The following ASB3 variants were observed in gnomAD, a reference collection of about 807,000 sequenced individuals.
ASB3 encodes ankyrin repeat and SOCS box protein 3.
A neutral mutation model predicts 54.5 loss-of-function variants in ASB3; 41 were observed. The ratio of observed to expected loss-of-function variants is 0.75; its 90% CI spans 0.59 to 0.98. The LOEUF (loss-of-function observed/expected upper bound fraction) is 0.98. Among genes scored for constraint, ASB3 ranks in the 50% least tolerant of loss-of-function variants. The pLI is 0.00. For synonymous variants in ASB3, 266 were observed against 221.2 expected, an observed-to-expected ratio of 1.20 and a Z score of -1.80; for missense variants, 733 against 620.0, an observed-to-expected ratio of 1.18 and a Z score of -1.94.
At chr2:53,767,697 T>A (rs944419013) in intron 1 of ASB3, 8 of 654,004 alleles carry the variant, frequency 1.2e-5, no homozygotes, top group South Asian at 2.0e-5. Flanking sequence ...ATCAAGGAAA[T>A]AAAATAAAGC....
chr2:53,753,247 T>C (rs1001070874), intron 2 of ASB3, among the ~76,000 whole-genome samples: 1 of 152,174 alleles, frequency 6.6e-6, no homozygotes, highest in Admixed American at 6.5e-5. Context: ...GAACTGCACA[T>C]AAACACTATA....
At chr2:53,765,292 CTGTTAA>C in intron 2 of ASB3, 79 bp downstream of exon 2, 2 of 1,536,366 alleles carry the variant, frequency 1.3e-6, no homozygotes, top group Non-Finnish European at 1.8e-6. Flanking sequence ...ACAAATACTA[CTGTTAA>C]TAAGTTATGT....
intron 1 of ASB3, chr2:53,767,738 G>C (rs1189586317): frequency 1.0e-5 from 9 of 877,804 alleles, no homozygotes; most frequent in Admixed American, 2.9e-5. Flanking sequence ...AATCTTTCTG[G>C]ATCTAAACTC....
intron 1 of ASB3, among the ~76,000 whole-genome samples, chr2:53,766,895 T>C (rs535869367): frequency 6.6e-6 from 1 of 152,290 alleles, no homozygotes; most frequent in East Asian, 1.9e-4. Context: ...GATCATGGTA[T>C]AAAAATCTTC....
intron 9 of ASB3, among the ~76,000 whole-genome samples, chr2:53,686,841 C>G (rs1177406760): frequency 6.6e-6 from 1 of 152,162 alleles, no homozygotes; most frequent in Non-Finnish European, 1.5e-5. Context: ...CCTGCCTCAG[C>G]CTCCCGAGTA....
chr2:53,713,597 T>G (rs1337376111), intron 7 of ASB3, among the ~76,000 whole-genome samples: 2 of 152,206 alleles, frequency 1.3e-5, no homozygotes, highest in Non-Finnish European at 2.9e-5. Context: ...TTTAAAAACT[T>G]AATTATTTAG....
At chr2:53,675,661 C>T (rs1408256510) in intron 9 of ASB3, among the ~76,000 whole-genome samples, 4 of 152,018 alleles carry the variant, frequency 2.6e-5, no homozygotes, top group Non-Finnish European at 2.9e-5. Flanking sequence ...TCTATTTTTT[C>T]CTGATATCAA....
intron 1 of ASB3, chr2:53,767,566 A>T: frequency 8.4e-6 from 2 of 238,720 alleles, no homozygotes. Context: ...AGCTCCAAAA[A>T]GCATTGTGGG....
chr2:53,706,534 C>T (rs945434238), intron 7 of ASB3, among the ~76,000 whole-genome samples: 2 of 152,076 alleles, frequency 1.3e-5, no homozygotes, highest in East Asian at 3.9e-4. Context: ...CAAGCTCTGC[C>T]TCCCCGGTTC....
chr2:53,690,251 A>AAATT (rs1199194405), intron 9 of ASB3, among the ~76,000 whole-genome samples: 10 of 151,446 alleles, frequency 6.6e-5, no homozygotes, highest in Non-Finnish European at 1.5e-4. Context: ...ATAAATAAAT[A>AAATT]AATTAATTAA....
At chr2:53,748,087 A>G (rs1298029168) in intron 3 of ASB3, among the ~76,000 whole-genome samples, 1 of 152,020 alleles carries the variant, frequency 6.6e-6, no homozygotes, top group African/African-American at 2.4e-5. Context: ...GGGAATAATA[A>G]TAGTACATGT....
intron 2 of ASB3, among the ~76,000 whole-genome samples, chr2:53,752,673 G>C (rs1197298281): frequency 6.6e-6 from 1 of 152,230 alleles, no homozygotes; most frequent in Non-Finnish European, 1.5e-5. Context: ...CTATCAGTAG[G>C]GCAGGTAAGA....
At chr2:53,718,713 C>T (rs1292994022) in intron 5 of ASB3, among the ~76,000 whole-genome samples, 1 of 151,520 alleles carries the variant, frequency 6.6e-6, no homozygotes, top group Non-Finnish European at 1.5e-5. Flanking sequence ...ACAAATCTTT[C>T]GCCTTTTACG....
intron 9 of ASB3, among the ~76,000 whole-genome samples, chr2:53,684,705 G>C (rs1213927928): frequency 6.6e-6 from 1 of 152,180 alleles, no homozygotes; most frequent in African/African-American, 2.4e-5. Flanking sequence ...CAGATGAGGA[G>C]AATGTGAAAA....
At chr2:53,769,689 A>G (rs2104130814) in intron 1 of ASB3, among the ~76,000 whole-genome samples, 1 of 152,348 alleles carries the variant, frequency 6.6e-6, no homozygotes, top group Non-Finnish European at 1.5e-5. Context: ...TCTACTAAAA[A>G]TACAAAATTA....
chr2:53,684,945 G>A (rs957478626), intron 9 of ASB3, among the ~76,000 whole-genome samples: 1 of 152,192 alleles, frequency 6.6e-6, no homozygotes, highest in Admixed American at 6.5e-5. Flanking sequence ...AGCAGGGGAG[G>A]AATGTTAGAG....
At chr2:53,678,111 T>C (rs58549369) in intron 9 of ASB3, among the ~76,000 whole-genome samples, 3 of 150,804 alleles carry the variant, frequency 2.0e-5, no homozygotes, top group East Asian at 2.0e-4. Context: ...AACATTAATA[T>C]ACCCATCATC....
rs772077248 is a variant in ASB3, at chr2:53,670,510, T to C, written c.1550A>G (p.Asp517Gly). The stretch of plus-strand genomic sequence containing the variant: ...TTAAGTAGTTTCACTGATTTATCCA[T>C]CTTGAATAGCTGCCAGTTCTGGAAC... The part of the protein sequence containing the change: ...YEVPELAAIQ[D>G]G Residue 517 changes from aspartate to glycine, a missense_variant, in exon 10 of 10, where the codon GAT becomes GGT. By Grantham distance (94) the Asp-to-Gly change is moderately conservative (BLOSUM62 -1). Transcript: ENST00000263634. The C allele has an allele frequency of 6.2e-7, 1 of 1,613,512 alleles. No homozygotes were observed. Among genetic ancestry groups the C allele is most frequent in the Non-Finnish European group, 8.5e-7 (1 of 1,179,902 alleles).
At chr2:53,782,305 G>A (rs1372538122) in intron 1 of ASB3, among the ~76,000 whole-genome samples, 5 of 152,180 alleles carry the variant, frequency 3.3e-5, no homozygotes, top group Admixed American at 3.3e-4. Flanking sequence ...GGAAGAGAAA[G>A]CAGGTAGGAT....
Sources: allele counts gnomAD v4.1 joint callset (sites outside exome capture counted in the v4.1 genomes callset), GRCh38; gene constraint gnomAD v4.1.1; transcripts MANE v1.5; gene names NCBI Gene and HGNC (gene_info 2026-07-23, HGNC 2026-07-21).